SAR1B: variants seen among roughly 807,000 people sequenced by gnomAD.
The protein encoded by SAR1B is secretion associated Ras related GTPase 1B.
In SAR1B, 23 loss-of-function variants were observed where a neutral mutation model predicts 26.8. The observed-to-expected ratio is 0.86, with a 90% CI of 0.62 to 1.22. The LOEUF (loss-of-function observed/expected upper bound fraction) is 1.22. Among genes scored for constraint, SAR1B ranks in the 50% most tolerant of loss-of-function variants. The probability of loss-of-function intolerance (pLI) is 0.00; values close to 1 mark genes in which losing one functional copy is unlikely to be tolerated. For synonymous variants in SAR1B, 65 were observed against 80.8 expected (o/e 0.80, Z 1.05); for missense variants, 196 against 232.8 (o/e 0.84, Z 1.03).
At chr5:134,621,091 G>T (rs779295254) in intron 2 of SAR1B, 39 bp from the exon 3 acceptor site, 2 of 1,600,928 alleles carry the variant, frequency 1.2e-6, no homozygotes, top group Admixed American at 3.3e-5. Flanking sequence ...AGTGATATCT[G>T]ATACTAATTA....
intron 1 of SAR1B, chr5:134,632,030 C>T (rs925235734): frequency 6.6e-6 from 1 of 152,264 alleles, no homozygotes; most frequent in African/African-American, 2.4e-5. Context: ...GAAACCCCAT[C>T]TCTACTAAAA....
chr5:134,623,891 G>A, intron 2 of SAR1B, 71 bp downstream of exon 2: 1 of 1,023,040 alleles, frequency 9.8e-7, no homozygotes, highest in South Asian at 1.3e-5. Context: ...AAAGAGACTT[G>A]ACACAGATAA....
At chr5:134,622,410 C>CTTTTTTTTTTTTT (rs70976542) in intron 2 of SAR1B, among the ~76,000 whole-genome samples, 2 of 135,608 alleles carry the variant, frequency 1.5e-5, no homozygotes, top group African/African-American at 5.5e-5. Flanking sequence ...AGCCCATATT[C>CTTTTTTTTTTTTT]TTTTTTTTTT....
At chr5:134,630,708 T>C (rs1580659450) in intron 1 of SAR1B, among the ~76,000 whole-genome samples, 1 of 144,064 alleles carries the variant, frequency 6.9e-6, no homozygotes, top group South Asian at 2.2e-4. Context: ...ACTTGAACCC[T>C]GGAGGTGGAG....
chr5:134,606,716 T>C lies in SAR1B; in HGVS notation c.*234A>G, dbSNP rs1765133621. ...ATGGCGCTGGGGTGATGTCAGATTA[T>C]AAACTGTAAAAACCAAGTACTTTTA... On this transcript the variant is annotated 3_prime_UTR_variant, in exon 7 of 7. Transcript: ENST00000402673. 1 of 475,476 alleles carries C rather than the reference T, an allele frequency of 2.1e-6. No individual in the cohort carries two copies. 29.5% of individuals were successfully genotyped at this position (475,476 alleles called of 1,614,324 possible).
At chr5:134,609,416 A>C (rs1348886190) in intron 5 of SAR1B, among the ~76,000 whole-genome samples, 155 bp downstream of exon 5, 1 of 152,258 alleles carries the variant, frequency 6.6e-6, no homozygotes, top group Non-Finnish European at 1.5e-5. Flanking sequence ...CATTCTAAGT[A>C]ATCACTACTT....
Position 134,608,478 on chromosome 5 carries a change from G to C in SAR1B, c.374C>G (p.Ala125Gly), listed in dbSNP as rs754097264. 6.2e-7 allele frequency: 1 copy of C among 1,611,828 alleles called. No homozygotes were observed. Among genetic ancestry groups the C allele is most frequent in the South Asian group, 1.1e-5 (1 of 90,860 alleles). Residue 125 changes from alanine (A) to glycine (G), a missense_variant, in exon 6 of 7, where the codon GCT becomes GGT. Transcript: ENST00000402673. ...LDSLMTDETI[A>G]NVPILILGNK... ...CCCAAGAATCAGTATAGGCACATTA[G>C]CAATGGTTTCATCTGTCATTAGTGA...
chr5:134,611,996 G>A (rs992505110), intron 4 of SAR1B, among the ~76,000 whole-genome samples: 1 of 152,154 alleles, frequency 6.6e-6, no homozygotes, highest in African/African-American at 2.4e-5. Flanking sequence ...GTGAGACCCT[G>A]TCTCTATAAG....
In SAR1B at chr5:134,605,534, G is replaced by A. The variant is rs1007481838; in HGVS notation, c.*1416C>T. The A allele has an allele frequency of 6.6e-6, 1 of 151,922 alleles. No individual in the cohort carries two copies. The highest frequency in any genetic ancestry group is 2.1e-4 in the South Asian group (1 of 4,818). 9.4% of individuals were successfully genotyped at this position (151,922 alleles called of 1,614,324 possible). On this transcript the variant is annotated 3_prime_UTR_variant, in exon 7 of 7. Transcript: ENST00000402673. ...AAAAACAAAAGTCAGGTCAGGCATG[G>A]TAGCTCACGCCTATAATCCCAGAAC...
chr5:134,611,821 G>A (rs928366444), intron 4 of SAR1B, among the ~76,000 whole-genome samples: 1 of 151,840 alleles, frequency 6.6e-6, no homozygotes, highest in African/African-American at 2.4e-5. Flanking sequence ...CACCAAGAAG[G>A]TCTGATTTGG....
chr5:134,608,590 C>A, intron 5 of SAR1B, 87 bp from the exon 6 acceptor site: 2 of 1,363,452 alleles, frequency 1.5e-6, no homozygotes, highest in South Asian at 1.2e-5. Context: ...ATAAAGGACT[C>A]ATTTTCTACC....
chr5:134,609,344 T>C (rs1372280494), intron 5 of SAR1B, among the ~76,000 whole-genome samples: 1 of 152,186 alleles, frequency 6.6e-6, no homozygotes, highest in East Asian at 1.9e-4. Flanking sequence ...TCTTAAGTCT[T>C]CATAAAAGAT....
chr5:134,622,027 T>G (rs536108436), intron 2 of SAR1B, among the ~76,000 whole-genome samples: 17 of 152,308 alleles, frequency 1.1e-4, no homozygotes, highest in African/African-American at 3.8e-4. Flanking sequence ...CCAGCCAAAC[T>G]TTATTTTTTA....
rs34365859 is a variant in SAR1B, at chr5:134,612,641, TAAAAAAAAAAAAAAAAAAAAAA to T, written c.244+28_244+49del. 9.3e-4 allele frequency: 713 copies of T among 767,732 alleles called. 1 individual carries two copies. The highest frequency in any genetic ancestry group is 4.4e-3 in the South Asian group (212 of 48,546). 47.6% of individuals were successfully genotyped at this position (767,732 alleles called of 1,614,324 possible). A position where few individuals can be genotyped will look rare whatever the true frequency, so the allele number is the denominator to read the frequency against. On this transcript the variant is annotated intron_variant, in intron 4 of 6. Coordinates refer to ENST00000402673, the MANE Select transcript of SAR1B (RefSeq NM_016103.4). ...GCCTGGGAGACAGAGTGAGCCTGTC[TAAAAAAAAAAAAAAAAAAAAAA>T]AAAAAAAAAAAAAAAAAAGAATCTT...
At chr5:134,623,121 CAA>C (rs70976543) in intron 2 of SAR1B, among the ~76,000 whole-genome samples, 11 of 113,888 alleles carry the variant, frequency 9.7e-5, no homozygotes, top group Non-Finnish European at 1.2e-4. Flanking sequence ...GACTCTGTCT[CAA>C]AAAAAAAAAA....
intron 4 of SAR1B, among the ~76,000 whole-genome samples, chr5:134,610,739 A>C (rs1765199103): frequency 6.6e-6 from 1 of 151,906 alleles, no homozygotes; most frequent in African/African-American, 2.4e-5. Flanking sequence ...GTTTCAAAAA[A>C]AATAATTAAA....
chr5:134,619,792 C>T (rs1289046465), intron 3 of SAR1B, among the ~76,000 whole-genome samples: 2 of 151,966 alleles, frequency 1.3e-5, no homozygotes, highest in African/African-American at 4.8e-5. Context: ...AGTTACCAGC[C>T]ATGTATAAAA....
intron 1 of SAR1B, among the ~76,000 whole-genome samples, chr5:134,630,197 T>C (rs755706576): frequency 6.6e-6 from 1 of 152,046 alleles, no homozygotes; most frequent in East Asian, 1.9e-4. Context: ...GGCTCACGCC[T>C]GTAATCCCAG....
At position 134,606,699 on chromosome 5, in the gene SAR1B, G is replaced by C. The variant is rs1231986686; in HGVS notation, c.*251C>G. On this transcript the variant is annotated 3_prime_UTR_variant, in exon 7 of 7. Transcript: ENST00000402673. ...AAAGTTGCTCTTTACAAATGGCGCT[G>C]GGGTGATGTCAGATTATAAACTGTA... 2.3e-6 allele frequency: 1 copy of C among 431,140 alleles called. No homozygotes were observed. The highest frequency in any genetic ancestry group is 2.0e-5 in the African/African-American group (1 of 49,708). The allele number at this position is 431,140 out of a possible 1,614,324, so 26.7% of individuals were successfully genotyped here.
Sources: allele counts gnomAD v4.1 joint callset (sites outside exome capture counted in the v4.1 genomes callset), GRCh38; gene constraint gnomAD v4.1.1; transcripts MANE v1.5; gene names NCBI Gene and HGNC (gene_info 2026-07-23, HGNC 2026-07-21).